The following SPTBN2 variants were observed in gnomAD, a reference collection of about 807,000 sequenced individuals.
SPTBN2 encodes the protein spectrin beta chain, non-erythrocytic 2.
A neutral mutation model predicts 284.2 loss-of-function variants in SPTBN2; 107 were observed. The ratio of observed to expected loss-of-function variants is 0.38; its 90% CI spans 0.32 to 0.44. The LOEUF (loss-of-function observed/expected upper bound fraction) is 0.44, where lower values mean the gene tolerates loss of function less well. Among genes scored for constraint, SPTBN2 ranks in the 20% least tolerant of loss-of-function variants. SPTBN2 has a pLI of 1.00. For synonymous variants in SPTBN2, 1,289 were observed against 1,354.8 expected, an observed-to-expected ratio of 0.95 and a Z score of 1.07; for missense variants, 2,569 against 3,287.1, an observed-to-expected ratio of 0.78 and a Z score of 5.34.
rs1941681964 is a variant in SPTBN2, at chr11:66,708,386, T to G, written c.1192-87A>C. ...GGCACATGGTAAGTCCCATGGAAGC[T>G]CGGTCTGGTGGATCCGTGGAATGCA... is the stretch of plus-strand genomic sequence containing the variant. On this transcript the variant is annotated intron_variant, in intron 11 of 37. Coordinates refer to ENST00000533211, the MANE Select transcript of SPTBN2 (RefSeq NM_006946.4). This position sits in a 1 kb window ranked among gnomAD's most constrained non-coding sequence, Gnocchi z 4.4. 7.4e-7 allele frequency: 1 copy of G among 1,353,356 alleles called. No individual in the cohort carries two copies. Among genetic ancestry groups the G allele is most frequent in the Non-Finnish European group, 9.9e-7 (1 of 1,008,852 alleles). 83.8% of individuals were successfully genotyped at this position (1,353,356 alleles called of 1,614,324 possible).
In SPTBN2 at chr11:66,694,299, G is replaced by A. The variant is rs766777554; in HGVS notation, c.4343C>T (p.Ala1448Val). The A allele has an allele frequency of 6.2e-7, 1 of 1,614,218 alleles. No homozygotes were observed. Among genetic ancestry groups the A allele is most frequent in the South Asian group, 1.1e-5 (1 of 91,086 alleles). The change falls in exon 22 of 38, where the codon GCA becomes GTA. Residue 1448 changes from alanine to valine, a missense_variant. Transcript: ENST00000533211. ...EVEAIQAQAK[A>V]LAQEDQGAGE... ...TGCACCCTGGTCCTCCTGGGCCAGT[G>A]CTTTGGCCTGGGCCTGGATTGCCTC... is the stretch of plus-strand genomic sequence containing the variant.
Position 66,708,016 on chromosome 11 carries a change from A to G in SPTBN2, c.1350+125T>C. On this transcript the variant is annotated intron_variant, in intron 12 of 37. Coordinates refer to ENST00000533211, the MANE Select transcript of SPTBN2 (RefSeq NM_006946.4). The surrounding 1 kb of genome is among the most constrained non-coding windows in gnomAD (Gnocchi z 4.4). ...TCTGGCCCCTGGCTCCCGGACCTCT[A>G]GGCCTTTTTACCCAGGTGACGGATT... 1 of 1,484,366 alleles carries G rather than the reference A, an allele frequency of 6.7e-7. No individual in the cohort carries two copies. The highest frequency in any genetic ancestry group is 9.3e-7 in the Non-Finnish European group (1 of 1,071,000). 91.9% of individuals were successfully genotyped at this position (1,484,366 alleles called of 1,614,324 possible).
In SPTBN2 at chr11:66,683,287, C is replaced by T. The variant is rs1394846352; in HGVS notation, c.*2584G>A. ...TTCACCGTTTTAGCCGGGATGGTCT[C>T]GATCTCCTGACCTCGTGATCCGCCC... On this transcript the variant is annotated 3_prime_UTR_variant, in exon 38 of 38. Coordinates refer to ENST00000533211, the MANE Select transcript of SPTBN2 (RefSeq NM_006946.4). 6.6e-6 allele frequency among the ~76,000 whole-genome samples: 1 copy of T among 151,518 alleles called. No individual in the cohort carries two copies. The highest frequency in any genetic ancestry group is 2.4e-5 in the African/African-American group (1 of 41,204).
Position 66,691,485 on chromosome 11 carries a change from C to T in SPTBN2, c.5364G>A (p.Glu1788=). The T allele has an allele frequency of 1.2e-6, 2 of 1,612,026 alleles. No individual in the cohort carries two copies. The highest frequency in any genetic ancestry group is 1.7e-6 in the Non-Finnish European group (2 of 1,180,004). The change falls in exon 27 of 38, where the codon GAG becomes GAA. Residue 1788 remains glutamate (E), a synonymous_variant. Transcript: ENST00000533211. This position sits in a 1 kb window ranked among gnomAD's most constrained non-coding sequence, Gnocchi z 8.0. The part of the protein sequence containing the change: ...SLNEAWADLL[E]LLDTRGQVLA... ...GCACCTGACCCCGTGTGTCCAGCAG[C>T]TCAAGCAGGTCAGCCCAGGCCTCGT...
rs138735919 is a variant in SPTBN2, at chr11:66,701,008, C to A, written c.3091G>T (p.Ala1031Ser). The change falls in exon 17 of 38, where the codon GCT becomes TCT. Residue 1031 changes from alanine (A) to serine (S), a missense_variant. Physicochemically the swap from Ala to Ser is moderately conservative, Grantham distance 99. Around this residue, in one of 6 missense-constraint regions of SPTBN2, gnomAD observed 1,012 missense variants for 1,248.9 expected, o/e 0.81. Coordinates refer to ENST00000533211, the MANE Select transcript of SPTBN2 (RefSeq NM_006946.4). ...CGGGCGTTGATGGCCACTGCCTGAG[C>A]GGGATGGCCGGCAGCCAGGGCATTT... ...EANALAAGHP[A>S]QAVAINARLR... The A allele has an allele frequency of 1.2e-6, 2 of 1,607,688 alleles. No individual in the cohort carries two copies. The highest frequency in any genetic ancestry group is 1.7e-6 in the Non-Finnish European group (2 of 1,179,826).
intron 3 of SPTBN2, among the ~76,000 whole-genome samples, chr11:66,717,884 A>G (rs1942217693): frequency 6.6e-6 from 1 of 152,188 alleles, no homozygotes; most frequent in African/African-American, 2.4e-5. Flanking sequence ...GCCAGAGTGA[A>G]CACACACCTG....
chr11:66,689,041 G>A (rs1940351042), intron 30 of SPTBN2, 55 bp downstream of exon 30: 1 of 1,556,790 alleles, frequency 6.4e-7, no homozygotes, highest in Admixed American at 1.9e-5. Context: ...GGAACCCACA[G>A]GGTGCAGGAT....
upstream of SPTBN2, among the ~76,000 whole-genome samples, chr11:66,730,558 C>T (rs961500095): frequency 2.1e-5 from 3 of 143,772 alleles, no homozygotes; most frequent in African/African-American, 7.8e-5. Context: ...TCAGCCTGGG[C>T]AACAAGAACG....
chr11:66,706,223 T>C (rs528584922), intron 13 of SPTBN2, among the ~76,000 whole-genome samples: 1 of 152,236 alleles, frequency 6.6e-6, no homozygotes, highest in Non-Finnish European at 1.5e-5. Flanking sequence ...ACGGTCTCGC[T>C]GTCATGCTGC....
rs544913178 is a variant in SPTBN2, at chr11:66,699,187, C to G, written c.3777-105G>C. 42 of 1,438,330 alleles carry G rather than the reference C, an allele frequency of 2.9e-5. No homozygotes were observed. In the East Asian group the frequency reaches 9.5e-4, roughly 32 times the overall value. The allele number at this position is 1,438,330 out of a possible 1,614,324, so 89.1% of individuals were successfully genotyped here. Reference sequence around the variant, plus strand: ...TTTCTTCTAGGGGAATAACGCCTTCCGGGAGCACAATGAGGCTACCCAGGA... The same window carrying G: ...TTTCTTCTAGGGGAATAACGCCTTCGGGGAGCACAATGAGGCTACCCAGGA... On this transcript the variant is annotated intron_variant, in intron 18 of 37. Coordinates refer to ENST00000533211, the MANE Select transcript of SPTBN2 (RefSeq NM_006946.4).
In SPTBN2 at chr11:66,715,399, T is replaced by C; in HGVS notation, c.310-4A>G. The C allele has an allele frequency of 1.2e-6, 2 of 1,608,704 alleles. No homozygotes were observed. The highest frequency in any genetic ancestry group is 1.7e-6 in the Non-Finnish European group (2 of 1,175,816). The stretch of plus-strand genomic sequence containing the variant: ...TGCGGCCCTTTGTAGGCTTTGGCTG[T>C]GGAGGGACGGGGGCAAAATGGCACG... On this transcript the variant is annotated splice_region_variant and splice_polypyrimidine_tract_variant and intron_variant, in intron 4 of 37. Transcript: ENST00000533211. This position sits in a 1 kb window ranked among gnomAD's most constrained non-coding sequence, Gnocchi z 5.3.
chr11:66,688,352 G>A, intron 31 of SPTBN2, 41 bp from the exon 32 acceptor site: 1 of 1,552,726 alleles, frequency 6.4e-7, no homozygotes, highest in Non-Finnish European at 8.7e-7. Context: ...AAGGTTGCGT[G>A]TAAGAGGGCC....
intron 1 of SPTBN2, among the ~76,000 whole-genome samples, chr11:66,725,838 T>C (rs1942602178): frequency 6.6e-6 from 1 of 152,156 alleles, no homozygotes; most frequent in African/African-American, 2.4e-5. Flanking sequence ...TCAGCTGACA[T>C]GTTAAGCTAG....
rs1554974498 is a variant in SPTBN2, at chr11:66,683,437, C to CG, written c.*2433_*2434insC. Among the ~76,000 whole-genome samples, 1 of 152,188 alleles carries CG rather than the reference C, an allele frequency of 6.6e-6. No homozygotes were observed. The highest frequency in any genetic ancestry group is 2.4e-5 in the African/African-American group (1 of 41,428). On this transcript the variant is annotated 3_prime_UTR_variant, in exon 38 of 38. Transcript: ENST00000533211. ...GCCTGCATTTATTGTATTTTTGTGT[C>CG]TAACTTGTCTCATAGCCCTCACCGC... is the stretch of plus-strand genomic sequence containing the variant.
chr11:66,740,810 G>A (rs1485005058), intron 1 of SPTBN2, among the ~76,000 whole-genome samples: 1 of 152,128 alleles, frequency 6.6e-6, no homozygotes, highest in Non-Finnish European at 1.5e-5. Context: ...GGACCTCAAG[G>A]ATATTTTCTA....
At chr11:66,712,698 T>C (rs1338328533) in intron 8 of SPTBN2, 1 of 152,186 alleles carries the variant, frequency 6.6e-6, no homozygotes, top group Non-Finnish European at 1.5e-5. Context: ...TTTTTTTTCT[T>C]AAAAATTTGT....
At chr11:66,696,096 TA>T (rs1460651943) in intron 21 of SPTBN2, among the ~76,000 whole-genome samples, 180 bp downstream of exon 21, 3 of 152,186 alleles carry the variant, frequency 2.0e-5, no homozygotes, top group Non-Finnish European at 2.9e-5. Context: ...GTCTGTCTCC[TA>T]ACTCTAACCC....
intron 32 of SPTBN2, 32 bp downstream of exon 32, chr11:66,688,137 G>A (rs527811646): frequency 6.2e-6 from 10 of 1,613,250 alleles, no homozygotes; most frequent in African/African-American, 4.0e-5. Flanking sequence ...GGGCTCAGCC[G>A]CCTCCTCCTA....
Position 66,700,749 on chromosome 11 carries a change from G to T in SPTBN2, c.3350C>A (p.Ala1117Asp), listed in dbSNP as rs1331782369. 1 of 1,602,742 alleles carries T rather than the reference G, an allele frequency of 6.2e-7. No homozygotes were observed. The highest frequency in any genetic ancestry group is 1.3e-5 in the African/African-American group (1 of 75,048). The change falls in exon 17 of 38, where the codon GCC becomes GAC. Residue 1117 changes from alanine to aspartate, a missense_variant. By Grantham distance (126) the Ala-to-Asp change is moderately radical (BLOSUM62 -2). Coordinates refer to ENST00000533211, the MANE Select transcript of SPTBN2 (RefSeq NM_006946.4). This position sits in a 1 kb window ranked among gnomAD's most constrained non-coding sequence, Gnocchi z 6.6. ...TCGCAGCCGGCTATACTCGCTCTGGGCCCGCTCCACCTCTCCCCGCAGGGC... is the reference window on the plus strand; with the variant it reads ...TCGCAGCCGGCTATACTCGCTCTGGTCCCGCTCCACCTCTCCCCGCAGGGC... ...HAALRGEVER[A>D]QSEYSRLRAL...
Sources: allele counts gnomAD v4.1 joint callset (sites outside exome capture counted in the v4.1 genomes callset), GRCh38; gene constraint gnomAD v4.1.1; regional missense constraint gnomAD v4.1.1; non-coding constraint Gnocchi (gnomAD v3.1); transcripts MANE v1.5; gene names NCBI Gene and HGNC (gene_info 2026-07-23, HGNC 2026-07-21).